Variants in CLVS2 observed in about 807,000 individuals in gnomAD.
CLVS2 encodes clavesin-2.
Under a neutral mutation model 29.0 loss-of-function variants are expected in CLVS2, and 19 were observed. The observed-to-expected ratio is 0.66, with a 90% CI of 0.46 to 0.96. The LOEUF is 0.96. CLVS2 is among the 40% of genes least tolerant of loss of function. The probability of loss-of-function intolerance (pLI) is 0.00; values close to 1 mark genes in which losing one functional copy is unlikely to be tolerated. For synonymous variants in CLVS2, 161 were observed against 151.3 expected (o/e 1.06, Z -0.47); for missense variants, 294 against 404.1 (o/e 0.73, Z 2.34).
chr6:122,999,236 A>C (rs1774554676), intron 2 of CLVS2, among the ~76,000 whole-genome samples: 1 of 152,222 alleles, frequency 6.6e-6, no homozygotes, highest in African/African-American at 2.4e-5. Context: ...CGTACAAGAC[A>C]TTTACAGTTA....
Position 123,065,504 on chromosome 6 carries a change from T to C in CLVS2, c.*1743T>C, listed in dbSNP as rs1772840451. 1.3e-5 allele frequency: 2 copies of C among 151,846 alleles called. No homozygotes were observed. The highest frequency in any genetic ancestry group is 1.3e-4 in the Admixed American group (2 of 15,214). The allele number at this position is 151,846 out of a possible 1,614,324, so 9.4% of individuals were successfully genotyped here. On this transcript the variant is annotated 3_prime_UTR_variant, in exon 6 of 6. Transcript: ENST00000275162. ...TAATTAACACAAATGAAAGATACCT[T>C]AATAATGCCAACCTCCAGTCAAGTG...
intron 5 of CLVS2, among the ~76,000 whole-genome samples, chr6:123,061,323 A>C (rs1049187105): frequency 5.9e-5 from 9 of 151,314 alleles, no homozygotes; most frequent in Non-Finnish European, 1.2e-4. Context: ...AAAAAAAAAA[A>C]CCCAGAAACC....
intron 5 of CLVS2, among the ~76,000 whole-genome samples, chr6:123,063,129 A>T (rs1188522851): frequency 6.6e-6 from 1 of 152,218 alleles, no homozygotes; most frequent in Non-Finnish European, 1.5e-5. Context: ...TGGATATTCT[A>T]CTAGGACATT....
In CLVS2 at chr6:123,055,898, T is replaced by C. The variant is rs199839432; in HGVS notation, c.768T>C (p.Tyr256=). Residue 256 remains tyrosine, a synonymous_variant, in exon 5 of 6, where the codon TAT becomes TAC. Transcript: ENST00000275162. ...PSEFGGMLPP[Y]DMGTWARTLL... ...AGTTTGGAGGAATGCTGCCTCCTTA[T>C]GACATGGGGACATGGGCAAGAACAC... The C allele has an allele frequency of 1.9e-6, 3 of 1,614,030 alleles. No homozygotes were observed. The African/African-American group carries it at 4.0e-5, about 22-fold the overall frequency.
At chr6:123,034,919 T>C (rs1045979746) in intron 3 of CLVS2, among the ~76,000 whole-genome samples, 9 of 152,190 alleles carry the variant, frequency 5.9e-5, no homozygotes, top group African/African-American at 1.9e-4. Flanking sequence ...AATCAATAGA[T>C]AGATTCAGGT....
In CLVS2 at chr6:123,070,433, G is replaced by A. The variant is rs931691440; in HGVS notation, c.*6672G>A. 2 of 151,798 alleles carry A rather than the reference G, an allele frequency of 1.3e-5. No individual in the cohort carries two copies. Among genetic ancestry groups the A allele is most frequent in the Non-Finnish European group, 2.9e-5 (2 of 67,896 alleles). The allele number at this position is 151,798 out of a possible 1,614,324, so 9.4% of individuals were successfully genotyped here. Reference sequence around the variant, plus strand: ...TTCTCCAATCTTCTTCACTGTATTGGACCAAGTCTTCAACATTTTCCATCT... The same window carrying A: ...TTCTCCAATCTTCTTCACTGTATTGAACCAAGTCTTCAACATTTTCCATCT... On this transcript the variant is annotated 3_prime_UTR_variant, in exon 6 of 6. Coordinates refer to ENST00000275162, the MANE Select transcript of CLVS2 (RefSeq NM_001010852.4).
rs1227170386 is a variant in CLVS2 at position 122,997,587 on chromosome 6, C to T, written c.-191C>T. ...GAAGAAGTTTACACCCCCCGGCCCC[C>T]CCAGCTTTGCTGGGGGAAAGCAGGA... is the stretch of plus-strand genomic sequence containing the variant. On this transcript the variant is annotated 5_prime_UTR_variant, in exon 2 of 6. Transcript: ENST00000275162. 1.3e-5 allele frequency: 8 copies of T among 624,034 alleles called. No homozygotes were observed. Among genetic ancestry groups the T allele is most frequent in the East Asian group, 8.3e-5 (3 of 36,050 alleles). 38.7% of individuals were successfully genotyped at this position (624,034 alleles called of 1,614,324 possible). A position where few individuals can be genotyped will look rare whatever the true frequency, so the allele number is the denominator to read the frequency against.
intron 4 of CLVS2, among the ~76,000 whole-genome samples, chr6:123,055,025 G>A (rs891096817): frequency 3.3e-5 from 5 of 152,134 alleles, no homozygotes; most frequent in African/African-American, 1.2e-4. Flanking sequence ...AAGAGACAAA[G>A]CCAGACTGGA....
chr6:123,020,227 C>A (rs923428464), intron 3 of CLVS2, among the ~76,000 whole-genome samples: 2 of 152,022 alleles, frequency 1.3e-5, no homozygotes, highest in Non-Finnish European at 2.9e-5. Flanking sequence ...CTTTGGATTT[C>A]TGTATTTCTC....
rs144519600 is a variant in CLVS2, at chr6:123,066,340, ACT to A, written c.*2595_*2596del. 2.5e-4 allele frequency: 37 copies of A among 146,816 alleles called. No individual in the cohort carries two copies. The highest frequency in any genetic ancestry group is 6.5e-4 in the South Asian group (3 of 4,640). The allele number at this position is 146,816 out of a possible 1,614,324, so 9.1% of individuals were successfully genotyped here. A position where few individuals can be genotyped will look rare whatever the true frequency, so the allele number is the denominator to read the frequency against. Reference sequence around the variant, plus strand: ...ATTTTAATTGCAATAGTATACCTCCACTCTCTCTCTCTCTCTCATACACACAC... The same window carrying A: ...ATTTTAATTGCAATAGTATACCTCCACTCTCTCTCTCTCTCATACACACAC... On this transcript the variant is annotated 3_prime_UTR_variant, in exon 6 of 6. Transcript: ENST00000275162.
chr6:122,999,934 A>C (rs1774565006), intron 2 of CLVS2, among the ~76,000 whole-genome samples: 1 of 152,174 alleles, frequency 6.6e-6, no homozygotes, highest in Non-Finnish European at 1.5e-5. Context: ...ATATATGAGA[A>C]AGTGATAATT....
Position 123,064,855 on chromosome 6 carries a change from G to A in CLVS2, c.*1094G>A, listed in dbSNP as rs1772830117. 1 of 151,770 alleles carries A rather than the reference G, an allele frequency of 6.6e-6. No homozygotes were observed. The highest frequency in any genetic ancestry group is 2.4e-5 in the African/African-American group (1 of 41,396). The allele number at this position is 151,770 out of a possible 1,614,324, so 9.4% of individuals were successfully genotyped here. ...AGAAATAGTGAAACTGACTTTCAGT[G>A]TACCTATTTAAAGGAATTCCAAGTT... On this transcript the variant is annotated 3_prime_UTR_variant, in exon 6 of 6. Coordinates refer to ENST00000275162, the MANE Select transcript of CLVS2 (RefSeq NM_001010852.4).
At chr6:123,022,589 C>A (rs560658633) in intron 3 of CLVS2, among the ~76,000 whole-genome samples, 14 of 151,834 alleles carry the variant, frequency 9.2e-5, no homozygotes, top group Admixed American at 6.6e-5. Context: ...ATCTGGATCC[C>A]CAGAGAGGTC....
intron 3 of CLVS2, among the ~76,000 whole-genome samples, chr6:123,048,280 A>T (rs1186217357): frequency 6.6e-6 from 1 of 151,994 alleles, no homozygotes; most frequent in African/African-American, 2.4e-5. Context: ...TATAGAATGT[A>T]GATTCATTAT....
At chr6:123,038,992 C>G (rs752002871) in intron 3 of CLVS2, among the ~76,000 whole-genome samples, 1 of 152,150 alleles carries the variant, frequency 6.6e-6, no homozygotes. Flanking sequence ...TATGGCCCCT[C>G]CTCAGAATAT....
chr6:123,015,467 A>G (rs1774818328), intron 3 of CLVS2, among the ~76,000 whole-genome samples: 1 of 152,046 alleles, frequency 6.6e-6, no homozygotes, highest in Non-Finnish European at 1.5e-5. Flanking sequence ...TAAGATGCTT[A>G]ATCAAGTTTT....
At chr6:123,025,404 GA>G (rs1057274451) in intron 3 of CLVS2, among the ~76,000 whole-genome samples, 8 of 152,178 alleles carry the variant, frequency 5.3e-5, no homozygotes, top group Non-Finnish European at 8.8e-5. Flanking sequence ...GAAGTGCTTT[GA>G]GACCAGCAGC....
At chr6:123,016,873 G>C (rs936686931) in intron 3 of CLVS2, among the ~76,000 whole-genome samples, 3 of 152,092 alleles carry the variant, frequency 2.0e-5, no homozygotes, top group African/African-American at 7.2e-5. Context: ...AAGGCAAAAA[G>C]TGCTGCTGCT....
intron 3 of CLVS2, among the ~76,000 whole-genome samples, chr6:123,047,654 A>C (rs1396365925): frequency 6.6e-6 from 1 of 152,150 alleles, no homozygotes; most frequent in Non-Finnish European, 1.5e-5. Context: ...TAGTTCCTTT[A>C]CTTTTCTTTT....
Sources: gnomAD v4.1 joint callset for allele counts (sites outside exome capture counted in the v4.1 genomes callset) on GRCh38, gnomAD v4.1.1 for gene constraint, MANE v1.5 for transcripts, NCBI Gene and HGNC (gene_info 2026-07-23, HGNC 2026-07-21) for gene names.